Variants in CLVS2 observed in about 807,000 individuals in gnomAD.
CLVS2 encodes clavesin 2, also known as clavesin-2.
Under a neutral mutation model 29.0 loss-of-function variants are expected in CLVS2, and 19 were observed. The observed-to-expected ratio is 0.66, with a 90% CI of 0.46 to 0.96. The LOEUF (loss-of-function observed/expected upper bound fraction) is 0.96, where lower values mean the gene tolerates loss of function less well. CLVS2 is among the 40% of genes least tolerant of loss of function. CLVS2 has a pLI of 0.00. For synonymous variants in CLVS2, 161 were observed against 151.3 expected, an observed-to-expected ratio of 1.06 and a Z score of -0.47; for missense variants, 294 against 404.1, an observed-to-expected ratio of 0.73 and a Z score of 2.34.
At chr6:123,003,980 T>C (rs1212126147) in intron 2 of CLVS2, among the ~76,000 whole-genome samples, 1 of 152,156 alleles carries the variant, frequency 6.6e-6, no homozygotes, top group East Asian at 1.9e-4. Flanking sequence ...GTGTAGACAG[T>C]TACCAACCTA....
intron 4 of CLVS2, among the ~76,000 whole-genome samples, chr6:123,051,696 A>G (rs537698293): frequency 9.8e-5 from 15 of 152,290 alleles, no homozygotes; most frequent in Admixed American, 3.3e-4. Context: ...TTTTCACTCC[A>G]GATCACTTAG....
intron 3 of CLVS2, among the ~76,000 whole-genome samples, chr6:123,020,521 A>G (rs1774904308): frequency 6.6e-6 from 1 of 152,098 alleles, no homozygotes; most frequent in Non-Finnish European, 1.5e-5. Context: ...AACTTTCAGA[A>G]ATGAATACTA....
At chr6:123,043,955 TACACATACACAC>T (rs1251960862) in intron 3 of CLVS2, among the ~76,000 whole-genome samples, 1 of 152,206 alleles carries the variant, frequency 6.6e-6, no homozygotes, top group Non-Finnish European at 1.5e-5. Flanking sequence ...AATTCACTGA[TACACATACACAC>T]ACACATATAA....
At position 123,069,676 on chromosome 6, in the gene CLVS2, A is replaced by T. The variant is rs1275460509; in HGVS notation, c.*5915A>T. 3 of 151,818 alleles carry T rather than the reference A, an allele frequency of 2.0e-5. No homozygotes were observed. The highest frequency in any genetic ancestry group is 2.9e-5 in the Non-Finnish European group (2 of 67,860). The allele number at this position is 151,818 out of a possible 1,614,324, so 9.4% of individuals were successfully genotyped here. A position where few individuals can be genotyped will look rare whatever the true frequency, so the allele number is the denominator to read the frequency against. ...AGTGGGAATGAACCAGAAAACAAAG[A>T]AAAAGCCAGAGATATTGTCTCCACT... On this transcript the variant is annotated 3_prime_UTR_variant, in exon 6 of 6. Transcript: ENST00000275162.
At chr6:123,050,855 T>C (rs1418518381) in intron 4 of CLVS2, among the ~76,000 whole-genome samples, 1 of 152,178 alleles carries the variant, frequency 6.6e-6, no homozygotes, top group Non-Finnish European at 1.5e-5. Context: ...GGATCAATTC[T>C]GGGAAACAAG....
chr6:123,024,479 A>G (rs1218264058), intron 3 of CLVS2, among the ~76,000 whole-genome samples: 1 of 152,054 alleles, frequency 6.6e-6, no homozygotes, highest in Non-Finnish European at 1.5e-5. Context: ...AATTCAGCTA[A>G]CTCACCAGGT....
intron 3 of CLVS2, among the ~76,000 whole-genome samples, chr6:123,046,698 A>G (rs562396221): frequency 1.3e-5 from 2 of 152,208 alleles, no homozygotes; most frequent in African/African-American, 2.4e-5. Context: ...ACTTGAGCCA[A>G]GACTTTTGGC....
chr6:123,018,555 C>T (rs531589456), intron 3 of CLVS2, among the ~76,000 whole-genome samples: 14 of 151,738 alleles, frequency 9.2e-5, no homozygotes, highest in African/African-American at 3.1e-4. Flanking sequence ...TACTATATTG[C>T]CAGAATCTTA....
intron 5 of CLVS2, among the ~76,000 whole-genome samples, chr6:123,060,475 T>C (rs558361811): frequency 1.6e-4 from 24 of 152,334 alleles, no homozygotes; most frequent in African/African-American, 5.3e-4. Flanking sequence ...TATTATTGCT[T>C]TGTGCCAAAC....
intron 3 of CLVS2, among the ~76,000 whole-genome samples, chr6:123,018,815 T>A (rs1338692116): frequency 6.6e-6 from 1 of 152,080 alleles, no homozygotes; most frequent in Non-Finnish European, 1.5e-5. Context: ...TGTGTTTCTA[T>A]GACCTAAAGT....
Position 123,060,410 on chromosome 6 carries a change from C to T in CLVS2, c.897-3264C>T, listed in dbSNP as rs143427960. 3.7e-4 allele frequency among the ~76,000 whole-genome samples: 56 copies of T among 152,246 alleles called. No individual in the cohort carries two copies. The Middle Eastern group carries it at 0.01, about 28-fold the overall frequency. On this transcript the variant is annotated intron_variant, in intron 5 of 5. Transcript: ENST00000275162. ...AAGTAACCATACCTATTTCATGATA[C>T]GCACTTCTGATTATTGAATATTGAA...
At position 123,072,258 on chromosome 6, in the gene CLVS2, G is replaced by A. The variant is rs1438275739; in HGVS notation, c.*8497G>A. ...TGAATTTAAAGAATCAGCAGGTGATGTTGAAGAAGAAATATAACCTGAAAT... is the reference window on the plus strand; with the variant it reads ...TGAATTTAAAGAATCAGCAGGTGATATTGAAGAAGAAATATAACCTGAAAT... On this transcript the variant is annotated 3_prime_UTR_variant, in exon 6 of 6. Transcript: ENST00000275162. 6.6e-6 allele frequency: 1 copy of A among 152,078 alleles called. No homozygotes were observed. The highest frequency in any genetic ancestry group is 2.4e-5 in the African/African-American group (1 of 41,438). 9.4% of individuals were successfully genotyped at this position (152,078 alleles called of 1,614,324 possible).
intron 2 of CLVS2, 91 bp from the exon 3 acceptor site, chr6:123,010,894 A>T: frequency 1.2e-6 from 1 of 818,998 alleles, no homozygotes; most frequent in Non-Finnish European, 1.8e-6. Flanking sequence ...AAGGTATTTT[A>T]AAGTGAATTT....
chr6:123,061,892 T>G, intron 5 of CLVS2, among the ~76,000 whole-genome samples: 1 of 152,064 alleles, frequency 6.6e-6, no homozygotes, highest in East Asian at 1.9e-4. Context: ...TATGAAAAAT[T>G]TAAAATTTAT....
intron 3 of CLVS2, among the ~76,000 whole-genome samples, chr6:123,046,322 GAGA>G (rs1404750992): frequency 3.9e-5 from 6 of 152,172 alleles, no homozygotes; most frequent in Non-Finnish European, 7.3e-5. Context: ...TTTTTCAGGA[GAGA>G]AGAAGAAGCA....
At chr6:123,032,936 A>G (rs1373252067) in intron 3 of CLVS2, among the ~76,000 whole-genome samples, 1 of 152,016 alleles carries the variant, frequency 6.6e-6, no homozygotes, top group African/African-American at 2.4e-5. Flanking sequence ...AGCAGCAAAG[A>G]TTTTTTGTTG....
chr6:123,051,361 G>C (rs1582662973), intron 4 of CLVS2, among the ~76,000 whole-genome samples: 2 of 152,182 alleles, frequency 1.3e-5, no homozygotes, highest in African/African-American at 2.4e-5. Context: ...AGTATCTGGA[G>C]TCTTTCACGC....
At chr6:123,053,371 G>A (rs1772643563) in intron 4 of CLVS2, among the ~76,000 whole-genome samples, 1 of 152,098 alleles carries the variant, frequency 6.6e-6, no homozygotes, top group Non-Finnish European at 1.5e-5. Flanking sequence ...AAACAAAAAA[G>A]ATATTAGGGC....
At chr6:123,059,012 A>T (rs1224921624) in intron 5 of CLVS2, among the ~76,000 whole-genome samples, 1 of 151,908 alleles carries the variant, frequency 6.6e-6, no homozygotes, top group Non-Finnish European at 1.5e-5. Context: ...TCACCTCCTT[A>T]TCATGGCTTA....
Sources: allele counts gnomAD v4.1 joint callset (sites outside exome capture counted in the v4.1 genomes callset), GRCh38; gene constraint gnomAD v4.1.1; transcripts MANE v1.5; gene names NCBI Gene and HGNC (gene_info 2026-07-23, HGNC 2026-07-21).